SEC31A: variants seen among roughly 807,000 people sequenced by gnomAD.
SEC31A encodes the protein SEC31 homolog A, COPII component, also known as protein transport protein Sec31A.
SEC31A carries 70 observed loss-of-function variants against 151.0 expected under a neutral mutation model. That is an observed-to-expected ratio of 0.46 (90% confidence interval 0.38 to 0.57). The LOEUF (loss-of-function observed/expected upper bound fraction) is 0.57, where lower values mean the gene tolerates loss of function less well. SEC31A is among the 20% of genes least tolerant of loss of function. SEC31A has a pLI of 0.00. For missense variants in SEC31A, 1,330 were observed against 1,471.2 expected, an observed-to-expected ratio of 0.90 and a Z score of 1.57; for synonymous variants, 475 against 505.9, an observed-to-expected ratio of 0.94 and a Z score of 0.82.
At position 82,857,080 on chromosome 4, in the gene SEC31A, C is replaced by T. The variant is rs142807713; in HGVS notation, c.1753G>A (p.Ala585Thr). ...TTATCATGTAAACAAAGGTCAACAG[C>T]ACTCTCAAAATTGCCCGTCAGCAAA... ...QALLTGNFES[A>T]VDLCLHDNRM... The change falls in exon 16 of 27, where the codon GCT becomes ACT. Residue 585 changes from alanine to threonine, a missense_variant. By Grantham distance (58) the Ala-to-Thr change is moderately conservative. Transcript: ENST00000395310. 92 of 1,613,732 alleles carry T rather than the reference C, an allele frequency of 5.7e-5. 1 individual carries two copies. Among genetic ancestry groups the T allele is most frequent in the Middle Eastern group, 1.6e-4 (1 of 6,084 alleles).
chr4:82,854,894 A>G lies in SEC31A; in HGVS notation c.2008+9T>C. 3 of 1,609,806 alleles carry G rather than the reference A, an allele frequency of 1.9e-6. No individual in the cohort carries two copies. Among genetic ancestry groups the G allele is most frequent in the Non-Finnish European group, 2.5e-6 (3 of 1,178,548 alleles). ...GTAAATGCAGTTAAATATAAAGCAC[A>G]TCTCTTACCACAAAGGGCTGAAAAT... On this transcript the variant is annotated intron_variant, in intron 17 of 26. Coordinates refer to ENST00000395310, the MANE Select transcript of SEC31A (RefSeq NM_001077207.4).
chr4:82,859,309 CTGATTAAAAA>C (rs1560629138), intron 14 of SEC31A, among the ~76,000 whole-genome samples: 1 of 152,132 alleles, frequency 6.6e-6, no homozygotes, highest in Non-Finnish European at 1.5e-5. Context: ...ACCTGCAAGA[CTGATTAAAAA>C]TAAACTCAAT....
intron 6 of SEC31A, among the ~76,000 whole-genome samples, chr4:82,872,704 GTATT>G (rs1737003978): frequency 1.3e-5 from 2 of 151,808 alleles, no homozygotes; most frequent in South Asian, 2.1e-4. Context: ...ACATTTCATT[GTATT>G]TATTTATTTT....
chr4:82,830,412 A>T (rs1421829660), intron 22 of SEC31A, among the ~76,000 whole-genome samples: 1 of 152,234 alleles, frequency 6.6e-6, no homozygotes, highest in East Asian at 1.9e-4. Flanking sequence ...GTGAACCAAG[A>T]TTGTGTCACT....
At chr4:82,839,199 G>A (rs575997405) in intron 22 of SEC31A, among the ~76,000 whole-genome samples, 1 of 152,218 alleles carries the variant, frequency 6.6e-6, no homozygotes, top group African/African-American at 2.4e-5. Context: ...TGCCCAGGCT[G>A]GAGTGCAGTG....
Position 82,842,401 on chromosome 4 carries a change from T to C in SEC31A, c.2707A>G (p.Thr903Ala). ...GGGGTGTTAGGGTAAGCGTTTGAAG[T>C]AGGAGGAGCAACAGGCTGCTGAGGT... is the stretch of plus-strand genomic sequence containing the variant. ...YRPQQPVAPPTSNAYPNTPYI... is the reference protein window; with the variant it reads ...YRPQQPVAPPASNAYPNTPYI... Residue 903 changes from threonine (T) to alanine (A), a missense_variant, in exon 22 of 27, where the codon ACT (threonine) becomes GCT (alanine). Physicochemically the swap from Thr to Ala is moderately conservative, Grantham distance 58. Transcript: ENST00000395310. 2 of 1,613,872 alleles carry C rather than the reference T, an allele frequency of 1.2e-6. No homozygotes were observed. The highest frequency in any genetic ancestry group is 1.7e-6 in the Non-Finnish European group (2 of 1,179,952).
At chr4:82,887,486 A>G (rs1035467865) in intron 1 of SEC31A, among the ~76,000 whole-genome samples, 2 of 152,246 alleles carry the variant, frequency 1.3e-5, no homozygotes, top group Admixed American at 6.5e-5. Flanking sequence ...TAGCACGGCA[A>G]TTAAGAGCAT....
intron 25 of SEC31A, among the ~76,000 whole-genome samples, chr4:82,822,754 A>C (rs1284145399): frequency 6.6e-6 from 1 of 152,154 alleles, no homozygotes; most frequent in African/African-American, 2.4e-5. Context: ...TGGGCGGATC[A>C]CCTGATGTTG....
At chr4:82,896,407 G>A (rs945118511) in intron 3 of SEC31A, among the ~76,000 whole-genome samples, 3 of 151,796 alleles carry the variant, frequency 2.0e-5, no homozygotes, top group South Asian at 2.1e-4. Flanking sequence ...TAGTAGAGAC[G>A]GAGTTTCGCC....
In SEC31A at chr4:82,863,330, ATCT is replaced by A. The variant is rs756825958; in HGVS notation, c.1494_1496del (p.Glu498del). On this transcript the variant is annotated inframe_deletion, in exon 12 of 27. Transcript: ENST00000395310. ...CCCAAAAGTTTACCTTCTTTCCTAG[ATCT>A]TCTTTTCTGTATCCTAGAAGTTCAA... 4.4e-6 allele frequency: 7 copies of A among 1,574,134 alleles called. No individual in the cohort carries two copies. The highest frequency in any genetic ancestry group is 2.7e-5 in the African/African-American group (2 of 73,022).
intron 1 of SEC31A, among the ~76,000 whole-genome samples, chr4:82,884,093 T>C (rs1281063286): frequency 6.6e-6 from 1 of 151,532 alleles, no homozygotes; most frequent in Non-Finnish European, 1.5e-5. Context: ...TTCAAGCGAT[T>C]CTGGTGTCTC....
In SEC31A at chr4:82,857,681, G is replaced by C. The variant is rs1388907921; in HGVS notation, c.1702+8C>G. The stretch of plus-strand genomic sequence containing the variant: ...AAAAATTAGAAATCAAAACCAACAA[G>C]TACTTACCCCCACTGACAGAGATAT... On this transcript the variant is annotated splice_region_variant and intron_variant, in intron 15 of 26. Coordinates refer to ENST00000395310, the MANE Select transcript of SEC31A (RefSeq NM_001077207.4). 6.5e-7 allele frequency: 1 copy of C among 1,531,234 alleles called. No individual in the cohort carries two copies. Among genetic ancestry groups the C allele is most frequent in the Non-Finnish European group, 9.0e-7 (1 of 1,109,898 alleles). 94.9% of individuals were successfully genotyped at this position (1,531,234 alleles called of 1,614,324 possible).
chr4:82,820,480 C>T (rs1177251338), intron 26 of SEC31A, among the ~76,000 whole-genome samples: 1 of 152,038 alleles, frequency 6.6e-6, no homozygotes, highest in African/African-American at 2.4e-5. Flanking sequence ...ATTAATAAAA[C>T]AAGACAATTT....
rs139824037 is a variant in SEC31A, at chr4:82,833,453, G to A, written c.2969-4395C>T. ...AGGATAAATACCTAATGTAGGTGAC[G>A]GGTTGATGGGTGCAGCAAACCACCA... On this transcript the variant is annotated intron_variant, in intron 22 of 26. Coordinates refer to ENST00000395310, the MANE Select transcript of SEC31A (RefSeq NM_001077207.4). Among the ~76,000 whole-genome samples, 1,104 of 151,870 alleles carry A rather than the reference G, an allele frequency of 7.3e-3. 14 individuals carry two copies. The highest frequency in any genetic ancestry group is 0.01 in the Middle Eastern group (3 of 292).
At chr4:82,849,018 C>T (rs376229559) in intron 19 of SEC31A, 41 bp from the exon 20 acceptor site, 1 of 1,559,804 alleles carries the variant, frequency 6.4e-7, no homozygotes, top group Non-Finnish European at 8.8e-7. Flanking sequence ...TGAGAGTTCA[C>T]CCAGGTATAT....
intron 1 of SEC31A, among the ~76,000 whole-genome samples, chr4:82,890,347 TCA>T (rs1458899388): frequency 6.6e-6 from 1 of 152,084 alleles, no homozygotes; most frequent in Non-Finnish European, 1.5e-5. Flanking sequence ...CAACCAAATT[TCA>T]GTTTTCTATA....
At chr4:82,848,313 C>CAAAAAAAAAAA (rs10655108) in intron 20 of SEC31A, among the ~76,000 whole-genome samples, 1 of 142,398 alleles carries the variant, frequency 7.0e-6, no homozygotes, top group African/African-American at 2.6e-5. Flanking sequence ...CTAAATTGTC[C>CAAAAAAAAAAA]AAAAAAAAAA....
At chr4:82,888,394 A>ATG (rs1741415450) in intron 1 of SEC31A, among the ~76,000 whole-genome samples, 1 of 49,364 alleles carries the variant, frequency 2.0e-5, no homozygotes, top group Non-Finnish European at 8.4e-5. Context: ...ACATATATAT[A>ATG]TATACACACA....
intron 22 of SEC31A, among the ~76,000 whole-genome samples, chr4:82,830,355 G>C (rs1247528460): frequency 6.6e-6 from 1 of 152,210 alleles, no homozygotes; most frequent in African/African-American, 2.4e-5. Flanking sequence ...CAGCTACCCA[G>C]GAGCTGAGGC....
Sources: gnomAD v4.1 joint callset for allele counts (sites outside exome capture counted in the v4.1 genomes callset) on GRCh38, gnomAD v4.1.1 for gene constraint, MANE v1.5 for transcripts, NCBI Gene and HGNC (gene_info 2026-07-23, HGNC 2026-07-21) for gene names.